The following PRKG1 variants were observed in gnomAD, a reference collection of about 807,000 sequenced individuals.
PRKG1 encodes cGMP-dependent protein kinase 1.
PRKG1 carries 35 observed loss-of-function variants against 88.1 expected under a neutral mutation model. The ratio of observed to expected loss-of-function variants is 0.40; its 90% CI spans 0.30 to 0.53. The LOEUF is 0.53. PRKG1 is among the 20% of genes least tolerant of loss of function. PRKG1 has a pLI of 0.59. For missense variants in PRKG1, 540 were observed against 839.8 expected (o/e 0.64, Z 4.41); for synonymous variants, 303 against 292.5 (o/e 1.04, Z -0.37).
At chr10:51,460,454 C>T (rs139924800) in intron 2 of PRKG1, among the ~76,000 whole-genome samples, 1 of 152,092 alleles carries the variant, frequency 6.6e-6, no homozygotes. Context: ...GCTTAATACA[C>T]TTGACTTAAT....
At chr10:51,480,004 C>CA (rs34522970) in intron 3 of PRKG1, among the ~76,000 whole-genome samples, 48,729 of 147,752 alleles carry the variant, frequency 0.33, 9,336 homozygotes, top group East Asian at 0.83. Context: ...AGAGCCATCT[C>CA]AAAAAAAAAA....
At chr10:51,033,160 C>G (rs57093122) in intron 1 of PRKG1, among the ~76,000 whole-genome samples, 1 of 152,110 alleles carries the variant, frequency 6.6e-6, no homozygotes, top group Non-Finnish European at 1.5e-5. Flanking sequence ...TATTAAGCCT[C>G]AGTCTCCTAT....
chr10:50,998,952 C>T (rs1307395200), intron 1 of PRKG1, among the ~76,000 whole-genome samples: 2 of 152,164 alleles, frequency 1.3e-5, no homozygotes, highest in African/African-American at 2.4e-5. Flanking sequence ...ACTTTCTCTG[C>T]ACTGCTCACT....
At chr10:51,655,441 T>C (rs1330542226) in intron 3 of PRKG1, among the ~76,000 whole-genome samples, 1 of 152,086 alleles carries the variant, frequency 6.6e-6, no homozygotes, top group African/African-American at 2.4e-5. Flanking sequence ...TTAGAAAATA[T>C]TTGCAATACT....
chr10:51,069,095 A>G (rs1446018250), intron 1 of PRKG1, among the ~76,000 whole-genome samples: 1 of 152,006 alleles, frequency 6.6e-6, no homozygotes, highest in African/African-American at 2.4e-5. Context: ...ACTTCCCGTC[A>G]TCTTAAGAAG....
chr10:52,197,785 A>G (rs1453700621), intron 9 of PRKG1, among the ~76,000 whole-genome samples: 5 of 152,188 alleles, frequency 3.3e-5, no homozygotes, highest in Admixed American at 3.3e-4. Context: ...ACCAGACTTT[A>G]TGGAGACTTA....
chr10:51,698,028 T>C (rs1841349689), intron 3 of PRKG1: 2 of 1,613,934 alleles, frequency 1.2e-6, no homozygotes, highest in Admixed American at 1.7e-5. Flanking sequence ...GTACCCTGCA[T>C]ACCAGCTCCA....
intron 17 of PRKG1, among the ~76,000 whole-genome samples, chr10:52,290,769 T>C (rs1346660556): frequency 3.3e-5 from 5 of 152,020 alleles, no homozygotes; most frequent in Non-Finnish European, 5.9e-5. Flanking sequence ...AGCAGGAGGA[T>C]CACTTGAGCC....
chr10:51,493,122 T>C (rs1354110999), intron 3 of PRKG1, among the ~76,000 whole-genome samples: 1 of 152,130 alleles, frequency 6.6e-6, no homozygotes, highest in African/African-American at 2.4e-5. Flanking sequence ...GCATTAACTA[T>C]AGGTCATTAC....
At chr10:51,890,971 A>G (rs1054847768) in intron 4 of PRKG1, among the ~76,000 whole-genome samples, 2 of 152,138 alleles carry the variant, frequency 1.3e-5, no homozygotes, top group East Asian at 3.8e-4. Flanking sequence ...ATACATACAT[A>G]TATATTAGGG....
chr10:51,440,112 T>A (rs1004242807), intron 2 of PRKG1, among the ~76,000 whole-genome samples: 4 of 151,880 alleles, frequency 2.6e-5, no homozygotes, highest in Non-Finnish European at 5.9e-5. Flanking sequence ...AGTTACTGAG[T>A]CAGGACAAAA....
chr10:51,502,000 G>T (rs371186699), intron 3 of PRKG1, among the ~76,000 whole-genome samples: 1 of 151,954 alleles, frequency 6.6e-6, no homozygotes, highest in East Asian at 1.9e-4. Flanking sequence ...TATAAAAAGA[G>T]TCAGATATTA....
intron 2 of PRKG1, among the ~76,000 whole-genome samples, chr10:51,423,051 T>A (rs1392442285): frequency 2.0e-5 from 3 of 151,856 alleles, no homozygotes; most frequent in African/African-American, 7.3e-5. Context: ...CAAATAATAG[T>A]GGTTTGAAGA....
rs139780443 is a variant in PRKG1 at position 51,635,038 on chromosome 10, T to G, written c.592+167202T>G. ...AAATAATATGCACACCAAACCCCCA[T>G]GACATGTAATTTATGTATAAAAACA... On this transcript the variant is annotated intron_variant, in intron 3 of 17. Transcript: ENST00000373980. Among the ~76,000 whole-genome samples, 539 of 152,118 alleles carry G rather than the reference T, an allele frequency of 3.5e-3. 4 individuals carry two copies. The highest frequency in any genetic ancestry group is 0.02 in the Middle Eastern group (6 of 294).
At chr10:52,236,551 A>G in intron 9 of PRKG1, among the ~76,000 whole-genome samples, 1 of 90,770 alleles carries the variant, frequency 1.1e-5, no homozygotes, top group East Asian at 4.3e-4. Flanking sequence ...CTACACAAAT[A>G]AACTAGAAAA....
In PRKG1 at chr10:51,697,527, T is replaced by C. The variant is rs537541770; in HGVS notation, c.593-107058T>C. 3.3e-4 allele frequency: 219 copies of C among 671,768 alleles called. No individual in the cohort carries two copies. In the African/African-American group the frequency reaches 4.1e-3, roughly 13 times the overall value. 41.6% of individuals were successfully genotyped at this position (671,768 alleles called of 1,614,324 possible). On this transcript the variant is annotated intron_variant, in intron 3 of 17. Transcript: ENST00000373980. ...CACTCCCTCCTCCCCCCACCCTCAA[T>C]TAAAAAAAAAAGGAAAACAGAAAGA... is the stretch of plus-strand genomic sequence containing the variant.
intron 5 of PRKG1, among the ~76,000 whole-genome samples, chr10:51,991,787 A>G (rs1208564254): frequency 6.6e-6 from 1 of 152,146 alleles, no homozygotes; most frequent in Non-Finnish European, 1.5e-5. Context: ...TCATTGATGG[A>G]CATTTGGGTT....
At position 51,096,413 on chromosome 10, in the gene PRKG1, T is replaced by G. The variant is rs916196647; in HGVS notation, c.311+21512T>G. On this transcript the variant is annotated intron_variant, in intron 1 of 17. Transcript: ENST00000373980. ...CTACTAGCCTCATGGTTGCAAAAAC[T>G]GGATAGTTAGTAGACCATGGTGTTT... Among the ~76,000 whole-genome samples the G allele has an allele frequency of 3.9e-5, 6 of 152,320 alleles. 1 individual carries two copies. Among genetic ancestry groups the G allele is most frequent in the Admixed American group, 3.9e-4 (6 of 15,288 alleles).
intron 3 of PRKG1, among the ~76,000 whole-genome samples, chr10:51,613,982 G>C (rs1838979351): frequency 6.6e-6 from 1 of 151,948 alleles, no homozygotes; most frequent in Non-Finnish European, 1.5e-5. Flanking sequence ...TGGATAAAAT[G>C]TTCTGTAGTT....
Sources: gnomAD v4.1 joint callset for allele counts (sites outside exome capture counted in the v4.1 genomes callset) on GRCh38, gnomAD v4.1.1 for gene constraint, MANE v1.5 for transcripts, NCBI Gene and HGNC (gene_info 2026-07-23, HGNC 2026-07-21) for gene names.